The following JMJD1C variants were observed in gnomAD, a reference collection of about 807,000 sequenced individuals.
The protein encoded by JMJD1C is jumonji domain containing 1C.
A neutral mutation model predicts 245.3 loss-of-function variants in JMJD1C; 31 were observed. That is an observed-to-expected ratio of 0.13 (90% confidence interval 0.09 to 0.17). The LOEUF is 0.17. Ranked by LOEUF, JMJD1C falls within the 10% of genes least tolerant of loss-of-function variation. The probability of loss-of-function intolerance (pLI) is 1.00; values close to 1 mark genes in which losing one functional copy is unlikely to be tolerated. For synonymous variants in JMJD1C, 1,057 were observed against 1,017.4 expected, an observed-to-expected ratio of 1.04 and a Z score of -0.74; for missense variants, 2,691 against 3,000.2, an observed-to-expected ratio of 0.90 and a Z score of 2.41.
rs1844761627 is a variant in JMJD1C, at chr10:63,191,256, C to G, written c.6077-148G>C. The G allele has an allele frequency of 4.8e-6, 3 of 626,484 alleles. No individual in the cohort carries two copies. The African/African-American group carries it at 5.5e-5, about 12-fold the overall frequency. The allele number at this position is 626,484 out of a possible 1,614,324, so 38.8% of individuals were successfully genotyped here. On this transcript the variant is annotated intron_variant, in intron 16 of 25. Coordinates refer to ENST00000399262, the MANE Select transcript of JMJD1C (RefSeq NM_032776.3). ...AAGTGGTTCTCCTGTCTCAGCTTCC[C>G]AAGTAGCTGGGACTACAGGCATGTG...
At chr10:63,414,906 C>CAA (rs751283631) in intron 1 of JMJD1C, among the ~76,000 whole-genome samples, 13 of 92,506 alleles carry the variant, frequency 1.4e-4, no homozygotes, top group Middle Eastern at 6.2e-3. Flanking sequence ...GACTCTATCT[C>CAA]AAAAAAAAAA....
chr10:63,274,117 T>C (rs957305931), intron 2 of JMJD1C, among the ~76,000 whole-genome samples: 1 of 152,180 alleles, frequency 6.6e-6, no homozygotes, highest in African/African-American at 2.4e-5. Flanking sequence ...GAAAAAAAGA[T>C]GAACAACAAT....
chr10:63,183,656 G>T, intron 21 of JMJD1C, 87 bp from the exon 22 acceptor site: 1 of 724,988 alleles, frequency 1.4e-6, no homozygotes. Flanking sequence ...AGCTCGATCT[G>T]CATAATTTAA....
At chr10:63,516,025 C>G (rs912609525) in intron 1 of JMJD1C, among the ~76,000 whole-genome samples, 1 of 146,186 alleles carries the variant, frequency 6.8e-6, no homozygotes, top group Non-Finnish European at 1.6e-5. Context: ...AATATAATAC[C>G]TTTATCTATT....
chr10:63,470,737 GA>G (rs1444875594), upstream of JMJD1C, among the ~76,000 whole-genome samples: 3 of 151,748 alleles, frequency 2.0e-5, no homozygotes, highest in Admixed American at 1.3e-4. Flanking sequence ...GGAAAGAGAA[GA>G]AAAAAAGGAA....
chr10:63,376,745 G>A (rs1946774498), intron 2 of JMJD1C, among the ~76,000 whole-genome samples: 1 of 152,108 alleles, frequency 6.6e-6, no homozygotes, highest in Admixed American at 6.6e-5. Flanking sequence ...CACACCTACT[G>A]AGAAAGTAAA....
intron 24 of JMJD1C, among the ~76,000 whole-genome samples, chr10:63,172,513 G>C (rs890005192): frequency 6.6e-6 from 1 of 152,072 alleles, no homozygotes; most frequent in Non-Finnish European, 1.5e-5. Context: ...CATTATTCTA[G>C]GCATGGGAAG....
At chr10:63,430,618 C>T (rs551763704) in intron 1 of JMJD1C, among the ~76,000 whole-genome samples, 4 of 152,118 alleles carry the variant, frequency 2.6e-5, no homozygotes, top group South Asian at 2.1e-4. Flanking sequence ...TGACTGCTAA[C>T]GGATAGTGAG....
rs752941477 is a variant in JMJD1C at position 63,493,249 on chromosome 10, CTTTTTTTTTTT to C, written n.113+28478_113+28488del. On this transcript the variant is annotated intron_variant and non_coding_transcript_variant, in intron 1 of 3. Coordinates refer to the JMJD1C transcript ENST00000633035. ...GTAGATGGGAACAAAACTGTTATTTCTTTTTTTTTTTTTTTTTTTTTTTTTTTTTGAGATGG... is the reference window on the plus strand; with the variant it reads ...GTAGATGGGAACAAAACTGTTATTTCTTTTTTTTTTTTTTTTTTGAGATGG... Among the ~76,000 whole-genome samples, 97 of 49,140 alleles carry C rather than the reference CTTTTTTTTTTT, an allele frequency of 2.0e-3. 2 individuals carry two copies. Among genetic ancestry groups the C allele is most frequent in the African/African-American group, 7.9e-3 (92 of 11,682 alleles). 32.2% of individuals were successfully genotyped at this position (49,140 alleles called of 152,430 possible).
intron 1 of JMJD1C, among the ~76,000 whole-genome samples, chr10:63,478,105 A>G (rs898346868): frequency 3.3e-5 from 5 of 152,168 alleles, no homozygotes; most frequent in Admixed American, 3.3e-4. Flanking sequence ...ACTTTGCAAA[A>G]GAGTTTCTAA....
At chr10:63,438,436 C>T (rs374442896) in intron 1 of JMJD1C, among the ~76,000 whole-genome samples, 2 of 152,114 alleles carry the variant, frequency 1.3e-5, no homozygotes, top group African/African-American at 2.4e-5. Context: ...GCCTCCTAAC[C>T]GCTCTCCCTG....
chr10:63,304,290 C>T (rs1937694261), intron 2 of JMJD1C, among the ~76,000 whole-genome samples: 1 of 152,126 alleles, frequency 6.6e-6, no homozygotes, highest in Admixed American at 6.5e-5. Context: ...TATTGGATAT[C>T]AGAACGCGTT....
intron 2 of JMJD1C, among the ~76,000 whole-genome samples, chr10:63,353,433 A>G (rs550386168): frequency 1.3e-5 from 2 of 152,332 alleles, no homozygotes; most frequent in African/African-American, 4.8e-5. Flanking sequence ...TTTTATGCAA[A>G]GCAGGTGAAA....
chr10:63,378,352 A>G (rs971178964), intron 2 of JMJD1C, among the ~76,000 whole-genome samples: 3 of 152,014 alleles, frequency 2.0e-5, no homozygotes, highest in African/African-American at 7.2e-5. Flanking sequence ...AGCACTTTGG[A>G]GGGCCGAGGC....
At chr10:63,442,843 T>C (rs1292079809) in intron 1 of JMJD1C, among the ~76,000 whole-genome samples, 1 of 150,328 alleles carries the variant, frequency 6.7e-6, no homozygotes, top group African/African-American at 2.4e-5. Flanking sequence ...TCCTTAAGTA[T>C]TGAGTTTTTT....
At chr10:63,326,833 C>T (rs780817128) in intron 2 of JMJD1C, among the ~76,000 whole-genome samples, 5 of 152,204 alleles carry the variant, frequency 3.3e-5, no homozygotes, top group African/African-American at 7.2e-5. Context: ...GAGCCGAGAT[C>T]GTGCCATTGC....
intron 2 of JMJD1C, among the ~76,000 whole-genome samples, chr10:63,319,947 G>A (rs1388453367): frequency 2.0e-5 from 3 of 152,114 alleles, no homozygotes; most frequent in African/African-American, 7.2e-5. Context: ...TGTAGTTTTA[G>A]TAGAGACAGG....
intron 3 of JMJD1C, among the ~76,000 whole-genome samples, chr10:63,229,570 A>G (rs1221576938): frequency 1.3e-5 from 2 of 152,168 alleles, no homozygotes; most frequent in Non-Finnish European, 1.5e-5. Context: ...CAACTAGATG[A>G]GACAAATTTA....
At chr10:63,291,067 G>T (rs1421976934) in intron 2 of JMJD1C, among the ~76,000 whole-genome samples, 1 of 152,052 alleles carries the variant, frequency 6.6e-6, no homozygotes, top group East Asian at 1.9e-4. Context: ...AGCACTTTGA[G>T]AGGCCGAGGT....
Sources: allele counts gnomAD v4.1 joint callset (sites outside exome capture counted in the v4.1 genomes callset), GRCh38; gene constraint gnomAD v4.1.1; transcripts MANE v1.5; gene names NCBI Gene and HGNC (gene_info 2026-07-23, HGNC 2026-07-21).